Variants in ANXA10 observed in about 807,000 individuals in gnomAD.
The protein encoded by ANXA10 is annexin A10.
Under a neutral mutation model 53.5 loss-of-function variants are expected in ANXA10, and 49 were observed. That is an observed-to-expected ratio of 0.92 (90% CI 0.73 to 1.16). ANXA10 has a LOEUF of 1.16. Among genes scored for constraint, ANXA10 ranks in the 50% most tolerant of loss-of-function variants. The probability of loss-of-function intolerance (pLI) is 0.00; values close to 1 mark genes in which losing one functional copy is unlikely to be tolerated. For missense variants in ANXA10, 393 were observed against 394.4 expected (o/e 1.00, Z 0.03); for synonymous variants, 131 against 128.9 (o/e 1.02, Z -0.11).
chr4:168,140,675 A>G (rs1024956500), intron 3 of ANXA10, among the ~76,000 whole-genome samples: 3 of 151,556 alleles, frequency 2.0e-5, no homozygotes, highest in Non-Finnish European at 4.4e-5. Context: ...CTGGAGTGCA[A>G]TGGCGTGATC....
chr4:168,112,708 C>T (rs1730830247), intron 1 of ANXA10, among the ~76,000 whole-genome samples: 1 of 152,098 alleles, frequency 6.6e-6, no homozygotes, highest in Non-Finnish European at 1.5e-5. Flanking sequence ...ACTTCACTAG[C>T]CATATGACCT....
intron 2 of ANXA10, among the ~76,000 whole-genome samples, chr4:168,134,882 C>T (rs759142477): frequency 4.7e-4 from 72 of 152,308 alleles, no homozygotes; most frequent in Non-Finnish European, 9.4e-4. Context: ...CACTTGTTCT[C>T]ATTTGCTGGA....
chr4:168,178,203 C>T, intron 8 of ANXA10: 1 of 517,170 alleles, frequency 1.9e-6, no homozygotes, highest in Non-Finnish European at 3.4e-6. Context: ...CTTTCAAAAA[C>T]TGAGCATTTT....
chr4:168,167,568 T>G (rs1731903476), intron 6 of ANXA10, among the ~76,000 whole-genome samples: 1 of 152,214 alleles, frequency 6.6e-6, no homozygotes, highest in South Asian at 2.1e-4. Context: ...CAGCTCAACT[T>G]TGGCAAATTT....
chr4:168,136,990 A>C (rs1731248665), intron 2 of ANXA10, among the ~76,000 whole-genome samples: 1 of 152,226 alleles, frequency 6.6e-6, no homozygotes, highest in South Asian at 2.1e-4. Flanking sequence ...ACCATGTGGA[A>C]GCCTTGGCAA....
At chr4:168,096,806 A>G (rs1317296491) in intron 1 of ANXA10, among the ~76,000 whole-genome samples, 3 of 151,446 alleles carry the variant, frequency 2.0e-5, no homozygotes, top group Non-Finnish European at 4.4e-5. Context: ...ACCAGTGCCA[A>G]AGCTTGAATC....
At chr4:168,130,139 T>C (rs543298143) in intron 2 of ANXA10, among the ~76,000 whole-genome samples, 20 of 152,258 alleles carry the variant, frequency 1.3e-4, no homozygotes, top group African/African-American at 4.3e-4. Context: ...GTTAAGGAAG[T>C]TCCCCTCTAT....
At chr4:168,134,223 A>T (rs1394532383) in intron 2 of ANXA10, among the ~76,000 whole-genome samples, 3 of 152,168 alleles carry the variant, frequency 2.0e-5, no homozygotes, top group African/African-American at 7.2e-5. Context: ...AAAAAGCTCC[A>T]CAAATCTTTA....
At chr4:168,163,126 A>T (rs1454740963) in intron 4 of ANXA10, among the ~76,000 whole-genome samples, 1 of 147,972 alleles carries the variant, frequency 6.8e-6, no homozygotes, top group East Asian at 2.0e-4. Flanking sequence ...TTACAGAAAC[A>T]TTTTTTTTTT....
intron 6 of ANXA10, among the ~76,000 whole-genome samples, chr4:168,176,199 A>G (rs1020072787): frequency 6.6e-6 from 1 of 152,166 alleles, no homozygotes; most frequent in Non-Finnish European, 1.5e-5. Context: ...ACTATGGAAT[A>G]GCAATTCTTG....
intron 3 of ANXA10, among the ~76,000 whole-genome samples, chr4:168,146,668 T>C (rs766912413): frequency 4.6e-5 from 7 of 152,204 alleles, no homozygotes; most frequent in African/African-American, 7.2e-5. Context: ...TGGATTCCAG[T>C]TGGTCTCATC....
intron 2 of ANXA10, 51 bp from the exon 3 acceptor site, chr4:168,139,435 C>T: frequency 6.7e-7 from 1 of 1,494,900 alleles, no homozygotes; most frequent in Non-Finnish European, 9.3e-7. Flanking sequence ...AGGATTCTTC[C>T]CAACTACAAA....
intron 3 of ANXA10, among the ~76,000 whole-genome samples, chr4:168,159,982 G>C (rs1010248845): frequency 6.6e-6 from 1 of 152,140 alleles, no homozygotes; most frequent in Non-Finnish European, 1.5e-5. Flanking sequence ...TTTAGTGAGA[G>C]ACCATTTTAA....
chr4:168,135,052 A>G (rs1731214989), intron 2 of ANXA10, among the ~76,000 whole-genome samples: 1 of 152,182 alleles, frequency 6.6e-6, no homozygotes, highest in African/African-American at 2.4e-5. Flanking sequence ...ATTATACCAG[A>G]TGGAATTAAA....
intron 1 of ANXA10, among the ~76,000 whole-genome samples, chr4:168,122,325 G>T (rs1282976500): frequency 6.6e-6 from 1 of 152,178 alleles, no homozygotes; most frequent in Non-Finnish European, 1.5e-5. Flanking sequence ...AGATCAGGTG[G>T]TTAGAAAATA....
intron 1 of ANXA10, among the ~76,000 whole-genome samples, chr4:168,099,726 C>T (rs1241163574): frequency 1.3e-5 from 2 of 152,046 alleles, no homozygotes; most frequent in African/African-American, 4.8e-5. Flanking sequence ...TATTCAATGA[C>T]TTCTAATTTC....
chr4:168,102,414 A>G (rs1229862477), intron 1 of ANXA10, among the ~76,000 whole-genome samples: 2 of 152,070 alleles, frequency 1.3e-5, no homozygotes, highest in Non-Finnish European at 2.9e-5. Flanking sequence ...ACCGACCCCA[A>G]ACTCCAAACT....
intron 6 of ANXA10, among the ~76,000 whole-genome samples, chr4:168,175,449 A>G (rs1732108507): frequency 6.6e-6 from 1 of 152,236 alleles, no homozygotes; most frequent in Admixed American, 6.5e-5. Flanking sequence ...TATGGTAACC[A>G]GACCTCAGAG....
At chr4:168,146,578 A>G (rs1731410352) in intron 3 of ANXA10, among the ~76,000 whole-genome samples, 1 of 152,210 alleles carries the variant, frequency 6.6e-6, no homozygotes, top group Non-Finnish European at 1.5e-5. Flanking sequence ...TTTTGAGGGT[A>G]TATGTGTTGT....
Sources: gnomAD v4.1 joint callset for allele counts (sites outside exome capture counted in the v4.1 genomes callset) on GRCh38, gnomAD v4.1.1 for gene constraint, MANE v1.5 for transcripts, NCBI Gene and HGNC (gene_info 2026-07-23, HGNC 2026-07-21) for gene names.